UTY: variants seen among roughly 807,000 people sequenced by gnomAD.
UTY encodes the protein histone demethylase UTY.
In UTY, 12 loss-of-function variants were observed where a neutral mutation model predicts 32.5. The ratio of observed to expected loss-of-function variants is 0.37; its 90% CI spans 0.24 to 0.60. UTY has a LOEUF of 0.60. UTY is among the 20% of genes least tolerant of loss of function. UTY has a pLI of 0.69. For synonymous variants in UTY, 131 were observed against 103.4 expected, an observed-to-expected ratio of 1.27 and a Z score of -1.62; for missense variants, 303 against 299.2, an observed-to-expected ratio of 1.01 and a Z score of -0.09.
chrY:13,301,570 A>G (rs2058376392), intron 25 of UTY, among the ~76,000 whole-genome samples: 1 of 33,336 alleles, frequency 3.0e-5, no homozygotes, highest in Non-Finnish European at 7.4e-5. Context: ...AACAATCATT[A>G]ACCTAAGGTC....
intron 27 of UTY, among the ~76,000 whole-genome samples, chrY:13,283,009 T>C: frequency 1.1e-4 from 4 of 34,860 alleles, no homozygotes; most frequent in African/African-American, 4.5e-4. Context: ...AACTGGCACT[T>C]GGAGTCTGGA....
intron 18 of UTY, 85 bp from the exon 19 acceptor site, chrY:13,326,435 C>A: frequency 4.1e-6 from 1 of 244,880 alleles, no homozygotes; most frequent in South Asian, 4.5e-5. Context: ...AAAAGTCAGG[C>A]ATAAGGCATT....
chrY:13,343,567 C>T, intron 17 of UTY, among the ~76,000 whole-genome samples: 1 of 33,116 alleles, frequency 3.0e-5, no homozygotes, highest in Non-Finnish European at 7.5e-5. Flanking sequence ...AGGACCAGCA[C>T]TTAAAAAATC....
intron 27 of UTY, among the ~76,000 whole-genome samples, chrY:13,269,345 A>G (rs2056097201): frequency 6.3e-5 from 2 of 31,889 alleles, no homozygotes; most frequent in Non-Finnish European, 1.5e-4. Flanking sequence ...GTAATGGCAG[A>G]CACCCCTCCC....
At chrY:13,295,094 G>A in intron 27 of UTY, among the ~76,000 whole-genome samples, 1 of 30,536 alleles carries the variant, frequency 3.3e-5, no homozygotes, top group African/African-American at 1.3e-4. Context: ...TACCTGAGCT[G>A]ACACTGGGTA....
intron 8 of UTY, among the ~76,000 whole-genome samples, chrY:13,377,314 T>A: frequency 3.0e-5 from 1 of 33,831 alleles, no homozygotes; most frequent in Non-Finnish European, 7.3e-5. Flanking sequence ...ATATCAAGCA[T>A]TTACAACATA....
chrY:13,253,432 CTGTT>C (rs2054382652), intron 28 of UTY, among the ~76,000 whole-genome samples: 2 of 33,236 alleles, frequency 6.0e-5, no homozygotes, highest in African/African-American at 2.4e-4. Flanking sequence ...GCCCCAGTGA[CTGTT>C]TGGGCAGCGC....
chrY:13,403,794 A>G (rs2069449343), intron 6 of UTY, among the ~76,000 whole-genome samples: 1 of 32,698 alleles, frequency 3.1e-5, no homozygotes, highest in African/African-American at 1.2e-4. Context: ...TGTAGTCCCA[A>G]CTGCTTGGGA....
In UTY at chrY:13,358,545, C is replaced by A; in HGVS notation, c.1395G>T (p.Leu465Phe). ...GGCTAGAAGTAATCATGTGTAGTGA[C>A]AAGGATTGCTGTAAAATTGGTGTTT... Reference protein sequence around the residue: ...HSQTPILQQSLSLHMITSSQV... With the variant: ...HSQTPILQQSFSLHMITSSQV... Residue 465 changes from leucine (L) to phenylalanine (F), a missense_variant, in exon 14 of 30, where the codon TTG becomes TTT. Leu to Phe is a conservative substitution (Grantham distance 22). Transcript: ENST00000545955. 2.6e-6 allele frequency: 1 copy of A among 377,694 alleles called. No homozygotes were observed. The highest frequency in any genetic ancestry group is 3.7e-6 in the Non-Finnish European group (1 of 272,616). 94.2% of individuals were successfully genotyped at this position (377,694 alleles called of 400,897 possible). A position where few individuals can be genotyped will look rare whatever the true frequency, so the allele number is the denominator to read the frequency against.
chrY:13,375,934 T>C, intron 8 of UTY, among the ~76,000 whole-genome samples: 1 of 33,940 alleles, frequency 2.9e-5, no homozygotes, highest in Admixed American at 2.7e-4. Flanking sequence ...CAATGGATTA[T>C]TTATTTATGT....
chrY:13,272,439 C>T (rs2056369364), intron 27 of UTY, among the ~76,000 whole-genome samples: 1 of 33,273 alleles, frequency 3.0e-5, no homozygotes, highest in Admixed American at 2.8e-4. Flanking sequence ...GTGAAGAAAC[C>T]AAGATTATAT....
chrY:13,350,936 G>A, intron 17 of UTY, among the ~76,000 whole-genome samples: 2 of 32,906 alleles, frequency 6.1e-5, no homozygotes, highest in Admixed American at 2.8e-4. Context: ...AAAGGGACAG[G>A]AATTGCTCAC....
At chrY:13,374,234 T>C (rs979272987) in intron 8 of UTY, among the ~76,000 whole-genome samples, 1 of 33,112 alleles carries the variant, frequency 3.0e-5, no homozygotes, top group Non-Finnish European at 7.4e-5. Flanking sequence ...GGTTTCACCA[T>C]GTTGGCCAGG....
intron 8 of UTY, among the ~76,000 whole-genome samples, chrY:13,377,678 C>G: frequency 3.0e-5 from 1 of 33,186 alleles, no homozygotes; most frequent in Non-Finnish European, 7.4e-5. Flanking sequence ...AGCCATTGTA[C>G]TCCAGCCTGG....
intron 3 of UTY, among the ~76,000 whole-genome samples, chrY:13,461,593 A>G (rs2077374323): frequency 3.0e-5 from 1 of 33,398 alleles, no homozygotes; most frequent in Non-Finnish European, 7.4e-5. Flanking sequence ...AAAAAGAAAC[A>G]AAGAGACTAA....
At chrY:13,301,117 C>G in intron 25 of UTY, among the ~76,000 whole-genome samples, 1 of 32,446 alleles carries the variant, frequency 3.1e-5, no homozygotes, top group East Asian at 8.0e-4. Context: ...TCTTGAACTC[C>G]TGACCTCAAA....
At chrY:13,287,080 G>T (rs747290584) in intron 27 of UTY, 1 of 348,823 alleles carries the variant, frequency 2.9e-6, no homozygotes, top group Admixed American at 7.6e-5. Flanking sequence ...GAAGAGCAAG[G>T]CCCTCAGGTA....
At chrY:13,243,136 G>A (rs2053920782) in intron 28 of UTY, among the ~76,000 whole-genome samples, 1 of 31,826 alleles carries the variant, frequency 3.1e-5, no homozygotes, top group African/African-American at 1.2e-4. Context: ...ATGGGAAGCA[G>A]AGGAAGGAGA....
chrY:13,407,303 G>A (rs2070193852), intron 6 of UTY, among the ~76,000 whole-genome samples: 2 of 32,024 alleles, frequency 6.2e-5, no homozygotes, highest in Non-Finnish European at 1.5e-4. Context: ...TAGAAAAGTC[G>A]CTCTAAAATG....
Sources: allele counts gnomAD v4.1 joint callset (sites outside exome capture counted in the v4.1 genomes callset), GRCh38; gene constraint gnomAD v4.1.1; transcripts MANE v1.5; gene names NCBI Gene and HGNC (gene_info 2026-07-23, HGNC 2026-07-21).